Variants in ZXDC observed in about 807,000 individuals in gnomAD.
The protein encoded by ZXDC is zinc finger protein ZXDC.
In ZXDC, 58 loss-of-function variants were observed where a neutral mutation model predicts 63.6. That is an observed-to-expected ratio of 0.91 (90% CI 0.74 to 1.13). ZXDC has a LOEUF of 1.13. ZXDC is among the 50% of genes most tolerant of loss of function. The probability of loss-of-function intolerance (pLI) is 0.00; values close to 1 mark genes in which losing one functional copy is unlikely to be tolerated. For missense variants in ZXDC, 1,133 were observed against 1,148.9 expected, an observed-to-expected ratio of 0.99 and a Z score of 0.20; for synonymous variants, 561 against 496.1, an observed-to-expected ratio of 1.13 and a Z score of -1.74.
intron 8 of ZXDC, chr3:126,439,955 G>A: frequency 2.1e-6 from 3 of 1,395,378 alleles, no homozygotes; most frequent in Non-Finnish European, 2.8e-6. Flanking sequence ...CTTTTGCTGG[G>A]CCTGGAACCT....
At chr3:126,468,499 G>A (rs182015437) in intron 4 of ZXDC, among the ~76,000 whole-genome samples, 4 of 152,166 alleles carry the variant, frequency 2.6e-5, no homozygotes, top group South Asian at 2.1e-4. Context: ...CCATCTCCAC[G>A]TGCTGCCCAT....
Position 126,472,400 on chromosome 3 carries a change from A to G in ZXDC, c.908-95T>C, listed in dbSNP as rs1220441622. 7 of 1,441,466 alleles carry G rather than the reference A, an allele frequency of 4.9e-6. No homozygotes were observed. In the African/African-American group the frequency reaches 8.4e-5, roughly 17 times the overall value. 89.3% of individuals were successfully genotyped at this position (1,441,466 alleles called of 1,614,324 possible). On this transcript the variant is annotated intron_variant, in intron 1 of 9. Coordinates refer to ENST00000389709, the MANE Select transcript of ZXDC (RefSeq NM_025112.5). ...CACCCACCAGACCCTGTTCACACTGAAGCAGACAAGGGAAAACATGACTCA... is the reference window on the plus strand; with the variant it reads ...CACCCACCAGACCCTGTTCACACTGGAGCAGACAAGGGAAAACATGACTCA...
intron 7 of ZXDC, chr3:126,457,743 G>A (rs1486893206): frequency 3.1e-5 from 24 of 765,400 alleles, no homozygotes; most frequent in South Asian, 6.0e-5. Context: ...GAGTACCACC[G>A]TTTAGAGTAA....
At chr3:126,468,411 C>T (rs1486184274) in intron 4 of ZXDC, among the ~76,000 whole-genome samples, 1 of 152,182 alleles carries the variant, frequency 6.6e-6, no homozygotes, top group African/African-American at 2.4e-5. Context: ...TCAGCCCCAA[C>T]TATTGCCCAA....
chr3:126,468,167 C>T (rs73859301), intron 4 of ZXDC, among the ~76,000 whole-genome samples: 7,581 of 151,886 alleles, frequency 0.05, 195 homozygotes, highest in African/African-American at 0.068. Flanking sequence ...GACAGTGAGG[C>T]GCTCACATGG....
At chr3:126,439,570 C>G in intron 9 of ZXDC, 62 bp downstream of exon 9, 1 of 1,550,642 alleles carries the variant, frequency 6.4e-7, no homozygotes, top group Non-Finnish European at 8.7e-7. Context: ...AGCCAGGCTT[C>G]TGGAAGTCGA....
chr3:126,466,333 A>C lies in ZXDC; in HGVS notation c.1271-8T>G. The C allele has an allele frequency of 6.2e-7, 1 of 1,614,118 alleles. No homozygotes were observed. Among genetic ancestry groups the C allele is most frequent in the Non-Finnish European group, 8.5e-7 (1 of 1,179,994 alleles). On this transcript the variant is annotated splice_polypyrimidine_tract_variant and splice_region_variant and intron_variant, in intron 4 of 9. Coordinates refer to ENST00000389709, the MANE Select transcript of ZXDC (RefSeq NM_025112.5). ...AGAACCTCGCGCAACATCCTGGAAC[A>C]AAAAGAGTAATGAGAGTGAAACCCA... is the stretch of plus-strand genomic sequence containing the variant.
At position 126,461,964 on chromosome 3, in the gene ZXDC, C is replaced by G. The variant is rs1211124347; in HGVS notation, c.1698G>C (p.Leu566=). 6.2e-7 allele frequency: 1 copy of G among 1,614,090 alleles called. No homozygotes were observed. The highest frequency in any genetic ancestry group is 1.1e-5 in the South Asian group (1 of 91,054). The change falls in exon 6 of 10, where the codon CTG becomes CTC. Residue 566 remains leucine, a synonymous_variant. Coordinates refer to ENST00000389709, the MANE Select transcript of ZXDC (RefSeq NM_025112.5). ...NNSSLGPMEP[L]VLVAHSDIPP... ...GAATATCACTGTGGGCCACCAGGAC[C>G]AGGGGTTCCATCGGCCCTAGGGAGC...
At chr3:126,439,096 GT>G (rs1157693431) in intron 9 of ZXDC, among the ~76,000 whole-genome samples, 1 of 152,210 alleles carries the variant, frequency 6.6e-6, no homozygotes, top group Non-Finnish European at 1.5e-5. Flanking sequence ...TTCTGTCCAA[GT>G]TTGGTTTTGA....
At chr3:126,445,669 G>A (rs11715293) in intron 7 of ZXDC, among the ~76,000 whole-genome samples, 12,269 of 151,860 alleles carry the variant, frequency 0.081, 705 homozygotes, top group Non-Finnish European at 0.13. Context: ...CAGAGAGTCC[G>A]TTCCAGCAAG....
chr3:126,462,300 G>C, intron 5 of ZXDC, 80 bp from the exon 6 acceptor site: 1 of 1,495,642 alleles, frequency 6.7e-7, no homozygotes, highest in Non-Finnish European at 8.8e-7. Context: ...TGATGTTACC[G>C]AGTGATGCCC....
intron 7 of ZXDC, chr3:126,453,761 C>A (rs1200905279): frequency 9.2e-6 from 9 of 976,258 alleles, no homozygotes; most frequent in Non-Finnish European, 9.7e-6. Context: ...ATGGTGCGAT[C>A]TTGGCTCACT....
At chr3:126,446,969 A>G (rs1456946361) in intron 7 of ZXDC, among the ~76,000 whole-genome samples, 1 of 152,148 alleles carries the variant, frequency 6.6e-6, no homozygotes, top group Non-Finnish European at 1.5e-5. Context: ...CTTCCAGAGT[A>G]AACCCACATG....
intron 4 of ZXDC, among the ~76,000 whole-genome samples, chr3:126,467,382 A>G (rs1260729015): frequency 2.0e-5 from 3 of 152,098 alleles, no homozygotes; most frequent in Admixed American, 6.5e-5. Context: ...CACCTACCTC[A>G]CAGGGGTGCT....
intron 7 of ZXDC, among the ~76,000 whole-genome samples, chr3:126,445,873 T>C (rs1006926544): frequency 6.6e-6 from 1 of 152,132 alleles, no homozygotes; most frequent in African/African-American, 2.4e-5. Context: ...ACATTTAAGA[T>C]GGCTGAAAGT....
chr3:126,474,823 G>A (rs1186279229), intron 1 of ZXDC, 136 bp downstream of exon 1: 32 of 1,043,540 alleles, frequency 3.1e-5, no homozygotes, highest in Non-Finnish European at 4.2e-5. Context: ...GACATGGAAG[G>A]AGCTAGAATA....
intron 4 of ZXDC, among the ~76,000 whole-genome samples, chr3:126,470,567 T>C (rs555191687): frequency 1.8e-4 from 27 of 152,214 alleles, no homozygotes; most frequent in Non-Finnish European, 2.9e-4. Flanking sequence ...TACCTACCAT[T>C]TACTGAGTCC....
At chr3:126,444,733 G>A (rs756234930) in intron 7 of ZXDC, among the ~76,000 whole-genome samples, 3 of 152,072 alleles carry the variant, frequency 2.0e-5, no homozygotes, top group Non-Finnish European at 4.4e-5. Context: ...TGTACGCCAC[G>A]CTCTAAGTTA....
At chr3:126,442,145 GGATTTT>G (rs1369321117) in intron 7 of ZXDC, 199 bp from the exon 8 acceptor site, 1 of 540,408 alleles carries the variant, frequency 1.9e-6, no homozygotes, top group East Asian at 3.5e-5. Context: ...AAAAACATCA[GGATTTT>G]GATTTTAAAA....
Sources: gnomAD v4.1 joint callset for allele counts (sites outside exome capture counted in the v4.1 genomes callset) on GRCh38, gnomAD v4.1.1 for gene constraint, MANE v1.5 for transcripts, NCBI Gene and HGNC (gene_info 2026-07-23, HGNC 2026-07-21) for gene names.